The following CCDC93 variants were observed in gnomAD, a reference collection of about 807,000 sequenced individuals.
The protein encoded by CCDC93 is coiled-coil domain-containing protein 93.
In CCDC93, 61 loss-of-function variants were observed where a neutral mutation model predicts 108.2. The observed-to-expected ratio is 0.56, with a 90% CI of 0.46 to 0.70. The LOEUF is 0.70. Among genes scored for constraint, CCDC93 ranks in the 30% least tolerant of loss-of-function variants. The pLI is 0.00. For synonymous variants in CCDC93, 276 were observed against 260.4 expected (o/e 1.06, Z -0.58); for missense variants, 685 against 764.2 (o/e 0.90, Z 1.22).
At chr2:118,008,927 A>C in intron 1 of CCDC93, 4 of 309,564 alleles carry the variant, frequency 1.3e-5, no homozygotes, top group Non-Finnish European at 1.8e-5. Context: ...TACTCATCAC[A>C]TGCTGAAGGA....
intron 8 of CCDC93, 105 bp downstream of exon 8, chr2:117,977,888 TG>T: frequency 9.7e-7 from 1 of 1,036,024 alleles, no homozygotes; most frequent in Non-Finnish European, 1.5e-6. Context: ...CACACATCCC[TG>T]GGTTTCCCAA....
chr2:117,994,922 G>A (rs1178626054), intron 6 of CCDC93, among the ~76,000 whole-genome samples: 2 of 152,178 alleles, frequency 1.3e-5, no homozygotes, highest in Non-Finnish European at 2.9e-5. Flanking sequence ...CTCTGGCCCA[G>A]AGTGTTTTAT....
At chr2:117,977,847 C>A (rs975887193) in intron 8 of CCDC93, 147 bp downstream of exon 8, 2 of 677,072 alleles carry the variant, frequency 3.0e-6, no homozygotes, top group African/African-American at 3.6e-5. Flanking sequence ...CTAGAAAAGC[C>A]AGGACGGAGA....
At chr2:117,928,214 G>A (rs1175615561) in intron 23 of CCDC93, among the ~76,000 whole-genome samples, 1 of 152,226 alleles carries the variant, frequency 6.6e-6, no homozygotes, top group African/African-American at 2.4e-5. Context: ...AGGACTTCAT[G>A]TCTAACACAC....
chr2:117,935,766 G>C, intron 21 of CCDC93, 187 bp from the exon 22 acceptor site: 1 of 420,388 alleles, frequency 2.4e-6, no homozygotes, highest in Non-Finnish European at 4.2e-6. Flanking sequence ...CTCTGAGAAG[G>C]CATGGAAATT....
At chr2:118,010,492 A>G (rs1676995785) in intron 1 of CCDC93, among the ~76,000 whole-genome samples, 1 of 152,078 alleles carries the variant, frequency 6.6e-6, no homozygotes, top group Non-Finnish European at 1.5e-5. Flanking sequence ...CTTACCCAAC[A>G]ATGCCTGTTA....
intron 7 of CCDC93, among the ~76,000 whole-genome samples, chr2:117,979,620 T>C (rs1018521276): frequency 2.6e-5 from 4 of 152,222 alleles, no homozygotes; most frequent in East Asian, 1.9e-4. Flanking sequence ...AAAAGTATCA[T>C]CTGACCTTGC....
At chr2:118,002,688 T>C (rs1475750551) in intron 3 of CCDC93, among the ~76,000 whole-genome samples, 1 of 152,150 alleles carries the variant, frequency 6.6e-6, no homozygotes, top group Non-Finnish European at 1.5e-5. Flanking sequence ...TTGCTGCCTC[T>C]TCCCCCTCAC....
At position 117,941,239 on chromosome 2, in the gene CCDC93, C is replaced by T. The variant is rs150518527; in HGVS notation, c.1472G>A (p.Arg491His). Reference sequence around the variant, plus strand: ...CTTCTGATACTGTATTAGCTCGGCACGGCTAGGGACTTCATCAATCTTGCG... The same window carrying T: ...CTTCTGATACTGTATTAGCTCGGCATGGCTAGGGACTTCATCAATCTTGCG... ...LHRKIDEVPS[R>H]AELIQYQKRF... The change falls in exon 19 of 24, where the codon CGT (arginine) becomes CAT (histidine). Residue 491 changes from arginine to histidine, a missense_variant. Transcript: ENST00000376300. The T allele has an allele frequency of 2.7e-5, 44 of 1,613,890 alleles. No individual in the cohort carries two copies. The highest frequency in any genetic ancestry group is 1.8e-4 in the East Asian group (8 of 44,892).
At chr2:117,972,306 G>A (rs1211772987) in intron 11 of CCDC93, among the ~76,000 whole-genome samples, 1 of 152,192 alleles carries the variant, frequency 6.6e-6, no homozygotes, top group Non-Finnish European at 1.5e-5. Flanking sequence ...GGTAGAGAAT[G>A]GTCCAAGACA....
chr2:117,926,591 T>C (rs955393649), intron 23 of CCDC93, among the ~76,000 whole-genome samples: 4 of 152,066 alleles, frequency 2.6e-5, no homozygotes, highest in East Asian at 3.9e-4. Flanking sequence ...TTTCTGAATA[T>C]ACCAATAACA....
At chr2:117,921,301 C>T (rs1387144003) in intron 23 of CCDC93, among the ~76,000 whole-genome samples, 3 of 152,044 alleles carry the variant, frequency 2.0e-5, no homozygotes, top group Non-Finnish European at 4.4e-5. Context: ...TAGAATCTGA[C>T]ATCCAGTGGC....
Position 118,000,931 on chromosome 2 carries a change from C to A in CCDC93, c.253G>T (p.Ala85Ser), listed in dbSNP as rs1680829039. The part of the protein sequence containing the change: ...QENSTIGQKI[A>S]LSEKIVSVLP... ...ACCGAGACAATTTTTTCTGACAGAG[C>A]TCTGTTCAGAAAAAGTAACAAGCAA... Residue 85 changes from alanine to serine, a missense_variant and splice_region_variant, in exon 4 of 24, where the codon GCT (alanine) becomes TCT (serine). Physicochemically the swap from Ala to Ser is moderately conservative, Grantham distance 99. Transcript: ENST00000376300. 1 of 1,602,274 alleles carries A rather than the reference C, an allele frequency of 6.2e-7. No individual in the cohort carries two copies.
chr2:117,947,981 A>G (rs971129442), intron 15 of CCDC93, 124 bp downstream of exon 15: 100 of 758,272 alleles, frequency 1.3e-4, no homozygotes, highest in Non-Finnish European at 1.9e-4. Flanking sequence ...GGCATGAGCC[A>G]CTGCGCCTGG....
At chr2:117,971,385 A>G (rs1182243798) in intron 11 of CCDC93, among the ~76,000 whole-genome samples, 2 of 150,818 alleles carry the variant, frequency 1.3e-5, no homozygotes, top group Non-Finnish European at 2.9e-5. Flanking sequence ...ACAGCCACCC[A>G]TACACACAAA....
intron 23 of CCDC93, among the ~76,000 whole-genome samples, chr2:117,922,115 C>G (rs1047260438): frequency 6.6e-6 from 1 of 152,042 alleles, no homozygotes; most frequent in African/African-American, 2.4e-5. Flanking sequence ...ATTTCCATAA[C>G]AAAAATATGA....
At chr2:117,995,529 C>T in intron 5 of CCDC93, 27 bp from the exon 6 acceptor site, 1 of 1,585,258 alleles carries the variant, frequency 6.3e-7, no homozygotes, top group East Asian at 2.2e-5. Context: ...AGCGATTAAA[C>T]AAATCCCAAG....
At chr2:117,928,445 C>T (rs1012318322) in intron 23 of CCDC93, among the ~76,000 whole-genome samples, 3 of 152,236 alleles carry the variant, frequency 2.0e-5, no homozygotes, top group African/African-American at 7.2e-5. Flanking sequence ...AAAAAGGGGG[C>T]AAAGGACATG....
intron 16 of CCDC93, 74 bp from the exon 17 acceptor site, chr2:117,945,656 T>C (rs1678848233): frequency 3.0e-6 from 4 of 1,312,880 alleles, no homozygotes; most frequent in Non-Finnish European, 4.4e-6. Flanking sequence ...GATCTAGATG[T>C]AGGAAGGGGC....
Sources: gnomAD v4.1 joint callset for allele counts (sites outside exome capture counted in the v4.1 genomes callset) on GRCh38, gnomAD v4.1.1 for gene constraint, MANE v1.5 for transcripts, NCBI Gene and HGNC (gene_info 2026-07-23, HGNC 2026-07-21) for gene names.